Variants in KDM2B observed in about 807,000 individuals in gnomAD.
The protein encoded by KDM2B is lysine-specific demethylase 2B.
KDM2B carries 26 observed loss-of-function variants against 150.0 expected under a neutral mutation model. That is an observed-to-expected ratio of 0.17 (90% CI 0.13 to 0.24). The LOEUF is 0.24. KDM2B is among the 10% of genes least tolerant of loss of function. KDM2B has a pLI of 1.00. For synonymous variants in KDM2B, 734 were observed against 729.5 expected (o/e 1.01, Z -0.10); for missense variants, 1,265 against 1,816.9 (o/e 0.70, Z 5.52).
At chr12:121,561,318 C>G (rs76248711) in intron 4 of KDM2B, among the ~76,000 whole-genome samples, 3,586 of 152,186 alleles carry the variant, frequency 0.024, 116 homozygotes, top group African/African-American at 0.07. Flanking sequence ...AGTTCTGGAA[C>G]CTTCTCCAGC....
chr12:121,467,465 C>G lies in KDM2B; in HGVS notation c.1735-14121G>C. 1.7e-6 allele frequency: 1 copy of G among 600,748 alleles called. No homozygotes were observed. The highest frequency in any genetic ancestry group is 2.0e-5 in the African/African-American group (1 of 49,406). The allele number at this position is 600,748 out of a possible 1,614,324, so 37.2% of individuals were successfully genotyped here. On this transcript the variant is annotated intron_variant, in intron 12 of 22. Transcript: ENST00000377071. This position sits in a 1 kb window ranked among gnomAD's most constrained non-coding sequence, Gnocchi z 5.1. ...GCCAGGAAGGGGCTGGCCCCCCGGG[C>G]GGGCGGGCCAATGGCGCGGCCGCGG...
chr12:121,441,047 G>A (rs781857749), intron 20 of KDM2B, 23 bp downstream of exon 20: 63 of 1,613,530 alleles, frequency 3.9e-5, no homozygotes, highest in Non-Finnish European at 4.8e-5. Flanking sequence ...AGACACACTC[G>A]GGGCCACTGG....
chr12:121,466,340 C>A (rs1206387339), intron 12 of KDM2B, among the ~76,000 whole-genome samples: 2 of 152,178 alleles, frequency 1.3e-5, no homozygotes, highest in African/African-American at 4.8e-5. Context: ...TTCGTAAAAC[C>A]TCAACTTTTT....
At position 121,538,852 on chromosome 12, in the gene KDM2B, C is replaced by T. The variant is rs140027780; in HGVS notation, c.684-4262G>A. Among the ~76,000 whole-genome samples the T allele has an allele frequency of 2.0e-3, 312 of 152,220 alleles. 9 individuals carry two copies. In the East Asian group the frequency reaches 0.054, roughly 27 times the overall value. On this transcript the variant is annotated intron_variant, in intron 6 of 22. Coordinates refer to ENST00000377071, the MANE Select transcript of KDM2B (RefSeq NM_032590.5). ...GCTTTGCCCCCATTGGTCTACCTGA[C>T]ACACCTCAACTCCAGGAGGAGTCCA...
the KDM2B span, among the ~76,000 whole-genome samples, chr12:121,408,786 CA>C: frequency 6.6e-6 from 1 of 152,120 alleles, no homozygotes; most frequent in Non-Finnish European, 1.5e-5. Flanking sequence ...ACTTTCTCCT[CA>C]TATTGGGAGA....
In KDM2B at chr12:121,505,096, A is replaced by G. The variant is rs369577497; in HGVS notation, c.1647+4471T>C. Among the ~76,000 whole-genome samples, 12 of 149,746 alleles carry G rather than the reference A, an allele frequency of 8.0e-5. No homozygotes were observed. The South Asian group carries it at 2.4e-3, about 29-fold the overall frequency. On this transcript the variant is annotated intron_variant, in intron 11 of 22. Transcript: ENST00000377071. ...CACGCCACTGCACTCCAGCCTGGGC[A>G]ACAGAGCAAGACTCTGTCTCAAAAA...
intron 19 of KDM2B, among the ~76,000 whole-genome samples, chr12:121,441,767 G>A (rs185049618): frequency 3.9e-5 from 6 of 152,232 alleles, no homozygotes; most frequent in East Asian, 1.9e-4. Context: ...GCCCTCTACC[G>A]GCCGTTCCTC....
At chr12:121,492,415 C>T (rs74360739) in intron 12 of KDM2B, among the ~76,000 whole-genome samples, 1 of 151,294 alleles carries the variant, frequency 6.6e-6, no homozygotes, top group Non-Finnish European at 1.5e-5. Context: ...TCAAGCAATT[C>T]TCTTGCCTCA....
intron 12 of KDM2B, among the ~76,000 whole-genome samples, chr12:121,486,268 C>T (rs1882742453): frequency 6.6e-6 from 1 of 150,676 alleles, no homozygotes; most frequent in Non-Finnish European, 1.5e-5. Context: ...ACCACCATGC[C>T]CGGCTAATTT....
chr12:121,473,898 A>C (rs1168888529), intron 12 of KDM2B, among the ~76,000 whole-genome samples: 3 of 152,218 alleles, frequency 2.0e-5, no homozygotes, highest in Admixed American at 6.5e-5. Context: ...TGATTCAGCC[A>C]TAAAAAGGAG....
rs538393098 is a variant in KDM2B, at chr12:121,575,993, A to G, written c.272-134T>C. ...CAGGAGATGCAGGCACCAGCTGTAC[A>G]GCAAAAGCTCCTTGGAAAATGATCG... is the stretch of plus-strand genomic sequence containing the variant. On this transcript the variant is annotated intron_variant, in intron 2 of 22. Coordinates refer to ENST00000377071, the MANE Select transcript of KDM2B (RefSeq NM_032590.5). The surrounding 1 kb of genome is among the most constrained non-coding windows in gnomAD (Gnocchi z 4.4). The G allele has an allele frequency of 5.6e-5, 37 of 666,476 alleles. No individual in the cohort carries two copies. Among genetic ancestry groups the G allele is most frequent in the African/African-American group, 5.4e-4 (30 of 55,726 alleles). 41.3% of individuals were successfully genotyped at this position (666,476 alleles called of 1,614,324 possible). A position where few individuals can be genotyped will look rare whatever the true frequency, so the allele number is the denominator to read the frequency against.
At chr12:121,546,440 T>C (rs1188121736) in intron 6 of KDM2B, among the ~76,000 whole-genome samples, 6 of 133,284 alleles carry the variant, frequency 4.5e-5, no homozygotes, top group Non-Finnish European at 7.6e-5. Context: ...TGGAGTGCAG[T>C]GGCGCGATCT....
chr12:121,412,773 G>A, the KDM2B span, among the ~76,000 whole-genome samples: 1 of 145,162 alleles, frequency 6.9e-6, no homozygotes, highest in Non-Finnish European at 1.5e-5. Context: ...CACCCAGGCT[G>A]GAGTGCAGTG....
chr12:121,509,257 T>G (rs2140873758), intron 11 of KDM2B, among the ~76,000 whole-genome samples: 1 of 150,606 alleles, frequency 6.6e-6, no homozygotes, highest in Non-Finnish European at 1.5e-5. Context: ...AGAGACGGGG[T>G]TTCACCATGT....
At chr12:121,565,610 G>A (rs782790038) in intron 4 of KDM2B, among the ~76,000 whole-genome samples, 10 of 151,192 alleles carry the variant, frequency 6.6e-5, no homozygotes, top group South Asian at 2.1e-4. Flanking sequence ...GGGCCACCGC[G>A]CCTGGCCAAG....
rs115174727 is a variant in KDM2B, at chr12:121,464,229, A to T, written c.1735-10885T>A. 8.0e-3 allele frequency among the ~76,000 whole-genome samples: 1,216 copies of T among 152,326 alleles called. 16 individuals carry two copies. The highest frequency in any genetic ancestry group is 0.025 in the African/African-American group (1,022 of 41,574). On this transcript the variant is annotated intron_variant, in intron 12 of 22. Coordinates refer to ENST00000377071, the MANE Select transcript of KDM2B (RefSeq NM_032590.5). ...GCCTGCGTGACAGAGCAGGACCCTGACTCAAAACAAAAAACAAGATGGAAC... is the reference window on the plus strand; with the variant it reads ...GCCTGCGTGACAGAGCAGGACCCTGTCTCAAAACAAAAAACAAGATGGAAC...
Position 121,581,009 on chromosome 12 carries a change from GAC to G in KDM2B, c.-100_-99del, listed in dbSNP as rs1891936186. On this transcript the variant is annotated 5_prime_UTR_variant, in exon 1 of 23. Transcript: ENST00000377071. Reference sequence around the variant, plus strand: ...TAAACTCCCGGCACTCAAAGATGTGGACACACACACGTACAGGAAATACAGCC... The same window carrying G: ...TAAACTCCCGGCACTCAAAGATGTGGACACACACGTACAGGAAATACAGCC... 5 of 1,487,764 alleles carry G rather than the reference GAC, an allele frequency of 3.4e-6. No individual in the cohort carries two copies. The highest frequency in any genetic ancestry group is 2.0e-5 in the Admixed American group (1 of 49,516). 92.2% of individuals were successfully genotyped at this position (1,487,764 alleles called of 1,614,324 possible). A position where few individuals can be genotyped will look rare whatever the true frequency, so the allele number is the denominator to read the frequency against.
Position 121,440,938 on chromosome 12 carries a change from G to A in KDM2B, c.3488C>T (p.Ala1163Val), listed in dbSNP as rs1555288034. Residue 1163 changes from alanine (A) to valine (V), a missense_variant, in exon 21 of 23, where the codon GCG becomes GTG. Around this residue, in one of 11 missense-constraint regions of KDM2B, gnomAD observed 251 missense variants for 397.8 expected, o/e 0.63. Coordinates refer to ENST00000377071, the MANE Select transcript of KDM2B (RefSeq NM_032590.5). ...DLVLSGCSWI[A>V]VSALCSSSCP... ...ACTGGAGCTGCAAAGGGCCGAGACC[G>A]CGATCCATGAGCAGCCTGACAGCAC... 2.5e-6 allele frequency: 4 copies of A among 1,614,078 alleles called. No individual in the cohort carries two copies. The highest frequency in any genetic ancestry group is 1.7e-5 in the Admixed American group (1 of 60,024).
At chr12:121,473,720 CAA>C (rs34681676) in intron 12 of KDM2B, among the ~76,000 whole-genome samples, 1 of 122,542 alleles carries the variant, frequency 8.2e-6, no homozygotes, top group African/African-American at 3.2e-5. Context: ...ACTCCCAACT[CAA>C]AAAAAAAAAA....
Sources: gnomAD v4.1 joint callset for allele counts (sites outside exome capture counted in the v4.1 genomes callset) on GRCh38, gnomAD v4.1.1 for gene constraint, gnomAD v4.1.1 regional missense constraint, Gnocchi (gnomAD v3.1) non-coding constraint, MANE v1.5 for transcripts, NCBI Gene and HGNC (gene_info 2026-07-23, HGNC 2026-07-21) for gene names.